Variants in SMAP2 observed in about 807,000 individuals in gnomAD.
SMAP2 encodes stromal membrane-associated protein 2.
In SMAP2, 25 loss-of-function variants were observed where a neutral mutation model predicts 56.4. The ratio of observed to expected loss-of-function variants is 0.44; its 90% CI spans 0.32 to 0.62. The LOEUF (loss-of-function observed/expected upper bound fraction) is 0.62, where lower values mean the gene tolerates loss of function less well. SMAP2 is among the 20% of genes least tolerant of loss of function. The probability of loss-of-function intolerance (pLI) is 0.04; values close to 1 mark genes in which losing one functional copy is unlikely to be tolerated. For missense variants in SMAP2, 388 were observed against 545.6 expected, an observed-to-expected ratio of 0.71 and a Z score of 2.88; for synonymous variants, 157 against 181.7, an observed-to-expected ratio of 0.86 and a Z score of 1.09.
chr1:40,347,240 G>GTTTTT (rs200888686), intron 1 of SMAP2, among the ~76,000 whole-genome samples: 1 of 88,386 alleles, frequency 1.1e-5, no homozygotes, highest in Admixed American at 1.2e-4. Flanking sequence ...GTGTGTGTGT[G>GTTTTT]TTTTGTTTTT....
chr1:40,378,528 G>A (rs2124217251), intron 1 of SMAP2, among the ~76,000 whole-genome samples: 1 of 152,232 alleles, frequency 6.6e-6, no homozygotes, highest in Non-Finnish European at 1.5e-5. Context: ...TCTCAGGCTA[G>A]TTCTAACTCC....
intron 2 of SMAP2, among the ~76,000 whole-genome samples, chr1:40,367,762 A>G: frequency 6.7e-6 from 1 of 148,740 alleles, no homozygotes; most frequent in Non-Finnish European, 1.5e-5. Flanking sequence ...GAAAGATCCA[A>G]AATTGACACC....
In SMAP2 at chr1:40,374,350, G is replaced by C. The variant is rs1192284944; in HGVS notation, c.103+127G>C. ...GCTTATAAGTGGTAACGCGTGCTGC[G>C]CTTGCAGTGAGCCTACTGGGCTTTC... On this transcript the variant is annotated intron_variant, in intron 1 of 9. Coordinates refer to ENST00000372718, the MANE Select transcript of SMAP2 (RefSeq NM_022733.3). The surrounding 1 kb of genome is among the most constrained non-coding windows in gnomAD (Gnocchi z 5.9). The C allele has an allele frequency of 2.5e-6, 2 of 806,154 alleles. No individual in the cohort carries two copies. Among genetic ancestry groups the C allele is most frequent in the East Asian group, 5.3e-5 (2 of 37,500 alleles). The allele number at this position is 806,154 out of a possible 1,614,324, so 49.9% of individuals were successfully genotyped here. A position where few individuals can be genotyped will look rare whatever the true frequency, so the allele number is the denominator to read the frequency against.
rs574921709 is a variant in SMAP2, at chr1:40,402,461, T to G, written c.104-4275T>G. ...TCTAACTGTATTTTTGTATTTTTGT[T>G]TTTTTTTTGAGACAAGGTCTCGCTG... On this transcript the variant is annotated intron_variant, in intron 1 of 9. Transcript: ENST00000372718. Among the ~76,000 whole-genome samples, 19 of 151,702 alleles carry G rather than the reference T, an allele frequency of 1.3e-4. 1 individual carries two copies. Among genetic ancestry groups the G allele is most frequent in the Non-Finnish European group, 2.4e-4 (16 of 67,874 alleles).
intron 1 of SMAP2, among the ~76,000 whole-genome samples, chr1:40,346,685 T>A (rs1024768834): frequency 2.7e-4 from 40 of 150,536 alleles, no homozygotes; most frequent in Non-Finnish European, 3.1e-4. Context: ...TGTGATTTTT[T>A]AAAAAATCAT....
intron 6 of SMAP2, 83 bp downstream of exon 6, chr1:40,414,323 G>GT: frequency 7.7e-7 from 1 of 1,304,890 alleles, no homozygotes; most frequent in East Asian, 2.3e-5. Context: ...TAGAGATGGG[G>GT]TTCTCCAGTT....
At position 40,406,817 on chromosome 1, in the gene SMAP2, T is replaced by C; in HGVS notation, c.185T>C (p.Ile62Thr). ...AGIHRNLGVH[I>T]SRVKSVNLDQ... ...ATCCACAGGAATCTGGGGGTGCACA[T>C]ATCCAGGGTAAAGTCAGTTAACCTC... The change falls in exon 2 of 10, where the codon ATA (isoleucine) becomes ACA (threonine). Residue 62 changes from isoleucine to threonine, a missense_variant. Coordinates refer to ENST00000372718, the MANE Select transcript of SMAP2 (RefSeq NM_022733.3). 6.2e-7 allele frequency: 1 copy of C among 1,614,110 alleles called. No individual in the cohort carries two copies. Among genetic ancestry groups the C allele is most frequent in the Non-Finnish European group, 8.5e-7 (1 of 1,179,982 alleles).
chr1:40,345,966 CTTTTTTT>C (rs71060369), intron 1 of SMAP2, among the ~76,000 whole-genome samples: 2 of 35,294 alleles, frequency 5.7e-5, no homozygotes, highest in Non-Finnish European at 1.5e-4. Flanking sequence ...ATTTCTATCA[CTTTTTTT>C]TTTTTTTTTT....
At chr1:40,406,962 A>T in intron 2 of SMAP2, 93 bp downstream of exon 2, 1 of 1,388,732 alleles carries the variant, frequency 7.2e-7, no homozygotes, top group Non-Finnish European at 9.7e-7. Flanking sequence ...AAAGGTGAAG[A>T]TAAAGGAAAA....
chr1:40,397,595 T>C (rs185335707), intron 1 of SMAP2, among the ~76,000 whole-genome samples: 6 of 152,264 alleles, frequency 3.9e-5, no homozygotes, highest in African/African-American at 1.4e-4. Flanking sequence ...ATTGACGAAT[T>C]CATTTAACAC....
chr1:40,348,933 G>A (rs1644399720), intron 1 of SMAP2, among the ~76,000 whole-genome samples: 1 of 151,988 alleles, frequency 6.6e-6, no homozygotes, highest in African/African-American at 2.4e-5. Context: ...ACCAGACCCA[G>A]CTAATTTTGT....
At position 40,375,726 on chromosome 1, in the gene SMAP2, C is replaced by T. The variant is rs764929991; in HGVS notation, c.103+1503C>T. ...GTGTATCTTGGCTTTATTCAAATTC[C>T]CTTATGTCCTCATTTGACAGATCTT... On this transcript the variant is annotated intron_variant, in intron 1 of 9. Coordinates refer to ENST00000372718, the MANE Select transcript of SMAP2 (RefSeq NM_022733.3). The T allele has an allele frequency of 4.7e-5, 44 of 933,158 alleles. 1 individual carries two copies. The Admixed American group carries it at 4.9e-4, about 10-fold the overall frequency. The allele number at this position is 933,158 out of a possible 1,614,324, so 57.8% of individuals were successfully genotyped here. A position where few individuals can be genotyped will look rare whatever the true frequency, so the allele number is the denominator to read the frequency against.
In SMAP2 at chr1:40,373,902, C is replaced by T; in HGVS notation, c.-219C>T. The T allele has an allele frequency of 1.9e-6, 1 of 513,296 alleles. No individual in the cohort carries two copies. The highest frequency in any genetic ancestry group is 3.5e-6 in the Non-Finnish European group (1 of 285,866). The allele number at this position is 513,296 out of a possible 1,614,324, so 31.8% of individuals were successfully genotyped here. On this transcript the variant is annotated 5_prime_UTR_variant, in exon 1 of 10. Transcript: ENST00000372718. ...AGCCTCTCTTGGAGGCGGGCCTGTCCCTAAGCCCGCCAAGGGGCGCCGCGC... is the reference window on the plus strand; with the variant it reads ...AGCCTCTCTTGGAGGCGGGCCTGTCTCTAAGCCCGCCAAGGGGCGCCGCGC...
At chr1:40,421,674 G>T (rs12739962) in intron 9 of SMAP2, among the ~76,000 whole-genome samples, 2,644 of 152,262 alleles carry the variant, frequency 0.017, 33 homozygotes, top group Non-Finnish European at 0.028. Context: ...TAGGATGAGG[G>T]ACTGGAAAGG....
chr1:40,373,146 G>A (rs1644508320), upstream of SMAP2, among the ~76,000 whole-genome samples: 1 of 152,208 alleles, frequency 6.6e-6, no homozygotes. Context: ...AACTGTCTGG[G>A]CACCAGGCCA....
chr1:40,404,924 A>G (rs1034930625), intron 1 of SMAP2, among the ~76,000 whole-genome samples: 7 of 152,212 alleles, frequency 4.6e-5, no homozygotes. Flanking sequence ...ATGTAAATCC[A>G]TCTAGGAATG....
chr1:40,412,943 A>G (rs1644951672), intron 4 of SMAP2, 73 bp from the exon 5 acceptor site: 1 of 1,181,368 alleles, frequency 8.5e-7, no homozygotes, highest in South Asian at 1.5e-5. Flanking sequence ...CTTTTCGGAC[A>G]CTTGGAATTA....
upstream of SMAP2, among the ~76,000 whole-genome samples, chr1:40,371,755 T>G (rs902052650): frequency 6.6e-6 from 1 of 152,232 alleles, no homozygotes; most frequent in African/African-American, 2.4e-5. Flanking sequence ...AAATATTTAG[T>G]GAAGAGCGCT....
chr1:40,383,160 C>T (rs776811530), intron 1 of SMAP2, among the ~76,000 whole-genome samples: 6 of 152,082 alleles, frequency 3.9e-5, no homozygotes, highest in Non-Finnish European at 8.8e-5. Flanking sequence ...ATTAGCAATG[C>T]CTGGGAACTA....
Sources: allele counts gnomAD v4.1 joint callset (sites outside exome capture counted in the v4.1 genomes callset), GRCh38; gene constraint gnomAD v4.1.1; non-coding constraint Gnocchi (gnomAD v3.1); transcripts MANE v1.5; gene names NCBI Gene and HGNC (gene_info 2026-07-23, HGNC 2026-07-21).